CYRIB: variants seen among roughly 807,000 people sequenced by gnomAD.
CYRIB encodes the protein CYFIP-related Rac1 interactor B.
In CYRIB, 8 loss-of-function variants were observed where a neutral mutation model predicts 44.2. The observed-to-expected ratio is 0.18, with a 90% CI of 0.11 to 0.33. The LOEUF is 0.33. CYRIB is among the 10% of genes least tolerant of loss of function. CYRIB has a pLI of 1.00. For missense variants in CYRIB, 185 were observed against 382.8 expected, an observed-to-expected ratio of 0.48 and a Z score of 4.31; for synonymous variants, 131 against 127.2, an observed-to-expected ratio of 1.03 and a Z score of -0.20.
At chr8:129,939,838 G>C (rs181955988), upstream of CYRIB, 1 of 152,414 alleles carries the variant, frequency 6.6e-6, no homozygotes, top group Non-Finnish European at 1.5e-5. Flanking sequence ...ACGACGGGGA[G>C]GGGGAGGAGG....
chr8:129,946,900 G>C (rs752402232), intron 2 of CYRIB, among the ~76,000 whole-genome samples: 2 of 152,044 alleles, frequency 1.3e-5, no homozygotes, highest in Non-Finnish European at 2.9e-5. Context: ...TTGGCTGTTT[G>C]TCAGCCTTCG....
chr8:129,939,160 G>A (rs982531360), intron 1 of CYRIB, among the ~76,000 whole-genome samples: 1 of 152,142 alleles, frequency 6.6e-6, no homozygotes, highest in African/African-American at 2.4e-5. Flanking sequence ...GGGGGATAAG[G>A]GGGTGTGGAG....
At chr8:129,893,601 C>T (rs143666126) in intron 2 of CYRIB, among the ~76,000 whole-genome samples, 269 of 152,292 alleles carry the variant, frequency 1.8e-3, no homozygotes, top group Non-Finnish European at 3.0e-3. Context: ...GCAATAGTTG[C>T]TTCAGATGGG....
chr8:129,883,122 A>C lies in CYRIB; in HGVS notation c.-10-3651T>G, dbSNP rs1022914145. On this transcript the variant is annotated intron_variant, in intron 2 of 11. Coordinates refer to ENST00000519824, the Ensembl canonical transcript of CYRIB. ...AGCTAGACTCCCTCTCAAAAAAAAA[A>C]AAAAAAAAAAAAAAAAAAGGAATTG... Among the ~76,000 whole-genome samples, 48 of 148,362 alleles carry C rather than the reference A, an allele frequency of 3.2e-4. No individual in the cohort carries two copies. In the South Asian group the frequency reaches 8.3e-3, roughly 26 times the overall value.
chr8:130,001,796 T>C (rs1329289742), intron 1 of CYRIB, among the ~76,000 whole-genome samples: 1 of 152,112 alleles, frequency 6.6e-6, no homozygotes, highest in Non-Finnish European at 1.5e-5. Context: ...ATAATTTCTA[T>C]AGGACCTGAA....
chr8:129,859,477 G>A (rs1423472199), intron 5 of CYRIB, among the ~76,000 whole-genome samples: 1 of 152,104 alleles, frequency 6.6e-6, no homozygotes, highest in Non-Finnish European at 1.5e-5. Flanking sequence ...CCCGGGGAAA[G>A]GGAGACTCCC....
chr8:129,953,573 T>C (rs977714222), intron 2 of CYRIB, among the ~76,000 whole-genome samples: 1 of 152,202 alleles, frequency 6.6e-6, no homozygotes, highest in Admixed American at 6.5e-5. Context: ...CCTTAAACAC[T>C]GTGAGCTCCA....
At chr8:129,841,288 T>A (rs1186458442) in exon 12 of CYRIB, 1 of 152,168 alleles carries the variant, frequency 6.6e-6, no homozygotes, top group Non-Finnish European at 1.5e-5. Context: ...TTAATATACT[T>A]AGCAAAATTT....
At chr8:129,912,934 T>C (rs568964427) in intron 1 of CYRIB, among the ~76,000 whole-genome samples, 1 of 151,372 alleles carries the variant, frequency 6.6e-6, no homozygotes, top group African/African-American at 2.4e-5. Context: ...AAGTGAATCC[T>C]ACAATGCAAT....
chr8:129,874,894 G>C (rs1407807738), intron 3 of CYRIB, among the ~76,000 whole-genome samples: 3 of 152,184 alleles, frequency 2.0e-5, no homozygotes, highest in African/African-American at 7.2e-5. Flanking sequence ...AAGGACACAA[G>C]AACTATAGAG....
At chr8:129,862,125 C>T (rs1323343688) in intron 5 of CYRIB, 104 bp downstream of exon 7, 2 of 793,550 alleles carry the variant, frequency 2.5e-6, no homozygotes, top group Non-Finnish European at 4.2e-6. Context: ...AAAACAGATA[C>T]TAAGCCAAAT....
chr8:129,905,417 C>A (rs2074777942), intron 1 of CYRIB, among the ~76,000 whole-genome samples: 1 of 152,162 alleles, frequency 6.6e-6, no homozygotes, highest in South Asian at 2.1e-4. Context: ...CGGGGTTTCA[C>A]CATGTTAGCC....
intron 1 of CYRIB, among the ~76,000 whole-genome samples, chr8:129,932,134 G>A (rs528326835): frequency 3.3e-5 from 5 of 151,964 alleles, no homozygotes; most frequent in Middle Eastern, 3.4e-3. Context: ...GAGTAGCTGG[G>A]ATTACAGGTG....
At chr8:129,893,206 C>A (rs140935429) in intron 2 of CYRIB, among the ~76,000 whole-genome samples, 173 of 152,302 alleles carry the variant, frequency 1.1e-3, no homozygotes, top group African/African-American at 3.3e-3. Context: ...TTATATAAGC[C>A]TCAGATACTT....
chr8:129,884,268 T>G (rs1489882557), intron 2 of CYRIB, among the ~76,000 whole-genome samples: 1 of 152,186 alleles, frequency 6.6e-6, no homozygotes, highest in Non-Finnish European at 1.5e-5. Context: ...ATAAATACAT[T>G]TGATATGAAA....
At chr8:130,015,082 C>G (rs1327417490) in intron 1 of CYRIB, among the ~76,000 whole-genome samples, 1 of 152,188 alleles carries the variant, frequency 6.6e-6, no homozygotes, top group Admixed American at 6.5e-5. Context: ...ACAAGGGAGT[C>G]AGTATTTTCA....
exon 12 of CYRIB, chr8:129,841,319 T>C (rs561889086): frequency 6.6e-6 from 1 of 152,310 alleles, no homozygotes; most frequent in African/African-American, 2.4e-5. Flanking sequence ...TAAAAGTATA[T>C]ACATAGACAA....
intron 11 of CYRIB, among the ~76,000 whole-genome samples, chr8:129,846,282 T>TA (rs1323015298): frequency 2.0e-5 from 3 of 152,236 alleles, no homozygotes; most frequent in Non-Finnish European, 2.9e-5. Flanking sequence ...AGCACAAATG[T>TA]AATTACATTC....
At chr8:129,889,111 C>T (rs1263061734) in intron 2 of CYRIB, among the ~76,000 whole-genome samples, 1 of 151,922 alleles carries the variant, frequency 6.6e-6, no homozygotes, top group African/African-American at 2.4e-5. Flanking sequence ...AAAATAAAAT[C>T]CTAGGACCCT....
Sources: gnomAD v4.1 joint callset for allele counts (sites outside exome capture counted in the v4.1 genomes callset) on GRCh38, gnomAD v4.1.1 for gene constraint, MANE v1.5 for transcripts, NCBI Gene and HGNC (gene_info 2026-07-23, HGNC 2026-07-21) for gene names.